The following DYNC1I1 variants were observed in gnomAD, a reference collection of about 807,000 sequenced individuals.
The protein encoded by DYNC1I1 is dynein cytoplasmic 1 intermediate chain 1, also known as cytoplasmic dynein 1 intermediate chain 1.
A neutral mutation model predicts 86.6 loss-of-function variants in DYNC1I1; 43 were observed. The observed-to-expected ratio is 0.50, with a 90% confidence interval of 0.39 to 0.64. The LOEUF is 0.64. Among genes scored for constraint, DYNC1I1 ranks in the 30% least tolerant of loss-of-function variants. The pLI is 0.00. For missense variants in DYNC1I1, 604 were observed against 788.8 expected, an observed-to-expected ratio of 0.77 and a Z score of 2.81; for synonymous variants, 262 against 283.7, an observed-to-expected ratio of 0.92 and a Z score of 0.77.
At chr7:95,908,403 G>T (rs888995130) in intron 6 of DYNC1I1, among the ~76,000 whole-genome samples, 27 of 152,022 alleles carry the variant, frequency 1.8e-4, no homozygotes, top group Non-Finnish European at 4.0e-4. Context: ...AAAAACACTG[G>T]TAGGCACTAT....
At chr7:95,934,543 CA>C (rs1263618168) in intron 6 of DYNC1I1, among the ~76,000 whole-genome samples, 4 of 152,070 alleles carry the variant, frequency 2.6e-5, no homozygotes, top group African/African-American at 4.8e-5. Flanking sequence ...TTCTCATAGA[CA>C]CTGTTAGTTT....
intron 5 of DYNC1I1, among the ~76,000 whole-genome samples, chr7:95,869,572 A>C (rs569876345): frequency 9.2e-5 from 14 of 152,084 alleles, no homozygotes; most frequent in Non-Finnish European, 2.1e-4. Flanking sequence ...TTCCCTCAAT[A>C]AATTTTAACT....
chr7:95,926,611 T>G (rs1791753078), intron 6 of DYNC1I1, among the ~76,000 whole-genome samples: 1 of 152,166 alleles, frequency 6.6e-6, no homozygotes, highest in African/African-American at 2.4e-5. Flanking sequence ...CATGGACAGT[T>G]TTCCGAAACT....
chr7:95,818,603 C>T lies in DYNC1I1; in HGVS notation c.314+5266C>T, dbSNP rs568609907. The T allele has an allele frequency of 7.1e-4, 424 of 595,174 alleles. 9 individuals carry two copies. In the South Asian group the frequency reaches 8.8e-3, roughly 12 times the overall value. 36.9% of individuals were successfully genotyped at this position (595,174 alleles called of 1,614,324 possible). On this transcript the variant is annotated intron_variant, in intron 4 of 16. Transcript: ENST00000447467. ...TGGTGGGATCCTCCTGCCTCTCCCT[C>T]CCAAAGTGCTGAGATTACAGGCAGG...
chr7:96,039,267 C>T lies in DYNC1I1; in HGVS notation c.1365-10C>T, dbSNP rs1788965151. ...CACTGGAATTCTGCTCATGTGTGCT[C>T]TTCCTACAGCAAAGCAGGTATTGGT... On this transcript the variant is annotated splice_polypyrimidine_tract_variant and intron_variant, in intron 13 of 16. Coordinates refer to ENST00000447467, the MANE Select transcript of DYNC1I1 (RefSeq NM_001135556.2). 1.2e-6 allele frequency: 2 copies of T among 1,610,994 alleles called. No individual in the cohort carries two copies. Among genetic ancestry groups the T allele is most frequent in the Middle Eastern group, 1.7e-4 (1 of 6,058 alleles).
intron 1 of DYNC1I1, among the ~76,000 whole-genome samples, chr7:95,785,702 T>C (rs1304873256): frequency 6.7e-6 from 1 of 149,344 alleles, no homozygotes. Context: ...CAACTTTATA[T>C]ATATACACTG....
chr7:95,997,136 A>T (rs1793886402), intron 10 of DYNC1I1, among the ~76,000 whole-genome samples: 1 of 152,204 alleles, frequency 6.6e-6, no homozygotes, highest in South Asian at 2.1e-4. Context: ...AAAACAACTT[A>T]ACAAGAAGTC....
intron 8 of DYNC1I1, among the ~76,000 whole-genome samples, chr7:95,985,552 G>A (rs1793568279): frequency 1.3e-5 from 2 of 152,128 alleles, no homozygotes; most frequent in South Asian, 4.1e-4. Context: ...CTCTGTGACT[G>A]TAGCATAGGT....
intron 1 of DYNC1I1, among the ~76,000 whole-genome samples, chr7:95,780,195 A>G (rs1194980253): frequency 6.6e-6 from 1 of 152,200 alleles, no homozygotes; most frequent in Non-Finnish European, 1.5e-5. Context: ...TAAATGAAAT[A>G]TTCATTCATT....
intron 10 of DYNC1I1, among the ~76,000 whole-genome samples, chr7:96,015,743 A>C (rs796897328): frequency 1.2e-4 from 18 of 152,226 alleles, no homozygotes; most frequent in African/African-American, 4.1e-4. Context: ...AGCCATTCTC[A>C]GTCTATGGGT....
intron 4 of DYNC1I1, among the ~76,000 whole-genome samples, chr7:95,824,544 C>G (rs1486572249): frequency 6.6e-6 from 1 of 152,064 alleles, no homozygotes; most frequent in Non-Finnish European, 1.5e-5. Context: ...TTCAGAGATA[C>G]AATTACTTGG....
chr7:95,983,101 C>G (rs752071329), intron 7 of DYNC1I1, among the ~76,000 whole-genome samples: 1 of 152,068 alleles, frequency 6.6e-6, no homozygotes, highest in African/African-American at 2.4e-5. Context: ...AGGTTGGTGT[C>G]GTAGAGTTCT....
intron 16 of DYNC1I1, among the ~76,000 whole-genome samples, chr7:96,088,225 A>G (rs1320766659): frequency 1.3e-5 from 2 of 152,188 alleles, no homozygotes. Context: ...TTGAAAAGAA[A>G]TACTTATGAC....
At chr7:96,058,090 T>A (rs1288307891) in intron 14 of DYNC1I1, among the ~76,000 whole-genome samples, 6 of 152,192 alleles carry the variant, frequency 3.9e-5, no homozygotes, top group Non-Finnish European at 8.8e-5. Flanking sequence ...CCAACCAACA[T>A]GTTATCATTG....
chr7:96,050,503 G>C (rs1789374360), intron 14 of DYNC1I1, among the ~76,000 whole-genome samples: 1 of 152,192 alleles, frequency 6.6e-6, no homozygotes, highest in East Asian at 1.9e-4. Flanking sequence ...AATTTTATAG[G>C]GTTTTATTTA....
chr7:96,061,212 C>T (rs900091931), intron 14 of DYNC1I1, among the ~76,000 whole-genome samples: 3 of 152,184 alleles, frequency 2.0e-5, no homozygotes, highest in Non-Finnish European at 4.4e-5. Flanking sequence ...GGAAAACACA[C>T]TTGGAACGCC....
intron 4 of DYNC1I1, among the ~76,000 whole-genome samples, chr7:95,824,330 GT>G (rs1795158630): frequency 1.3e-5 from 2 of 151,924 alleles, no homozygotes; most frequent in African/African-American, 4.8e-5. Context: ...AGAGCTGTAG[GT>G]TCCTTGAACA....
At chr7:95,997,593 G>GTA (rs1247175988) in intron 10 of DYNC1I1, among the ~76,000 whole-genome samples, 1 of 150,560 alleles carries the variant, frequency 6.6e-6, no homozygotes, top group Middle Eastern at 3.2e-3. Context: ...TTGTGTGTGT[G>GTA]TGTGTGTGTG....
At chr7:95,823,063 G>T (rs1232407653) in intron 4 of DYNC1I1, among the ~76,000 whole-genome samples, 1 of 152,178 alleles carries the variant, frequency 6.6e-6, no homozygotes, top group East Asian at 1.9e-4. Flanking sequence ...AAGGAGAGAA[G>T]ACTTTGTTAG....
Sources: allele counts gnomAD v4.1 joint callset (sites outside exome capture counted in the v4.1 genomes callset), GRCh38; gene constraint gnomAD v4.1.1; transcripts MANE v1.5; gene names NCBI Gene and HGNC (gene_info 2026-07-23, HGNC 2026-07-21).